The following KLRG2 variants were observed in gnomAD, a reference collection of about 807,000 sequenced individuals.
The protein encoded by KLRG2 is killer cell lectin-like receptor subfamily G member 2.
In KLRG2, 39 loss-of-function variants were observed where a neutral mutation model predicts 35.4. That is an observed-to-expected ratio of 1.10 (90% CI 0.85 to 1.44). KLRG2 has a LOEUF of 1.44. Among genes scored for constraint, KLRG2 ranks in the 40% most tolerant of loss-of-function variants. KLRG2 has a pLI of 0.00. For missense variants in KLRG2, 632 were observed against 570.9 expected, an observed-to-expected ratio of 1.11 and a Z score of -1.09; for synonymous variants, 283 against 265.8, an observed-to-expected ratio of 1.06 and a Z score of -0.63.
intron 3 of KLRG2, among the ~76,000 whole-genome samples, chr7:139,478,887 A>C (rs1214573109): frequency 2.6e-5 from 4 of 151,936 alleles, no homozygotes; most frequent in African/African-American, 9.7e-5. Context: ...CTGTCCAGCC[A>C]AGCCCAGCCT....
Position 139,483,106 on chromosome 7 carries a change from G to A in KLRG2, c.537C>T (p.Gly179=), listed in dbSNP as rs1796994591. 1.4e-6 allele frequency: 2 copies of A among 1,466,098 alleles called. No homozygotes were observed. Among genetic ancestry groups the A allele is most frequent in the African/African-American group, 3.0e-5 (2 of 67,578 alleles). The allele number at this position is 1,466,098 out of a possible 1,614,324, so 90.8% of individuals were successfully genotyped here. The part of the protein sequence containing the change: ...HQLLLRAPSQ[G]GTWGRRSPLA... ...GCGGCGAGCGGCGGCCCCACGTGCC[G>A]CCCTGGGATGGTGCGCGCAGCAGGA... Residue 179 remains glycine, a synonymous_variant, in exon 1 of 5, where the codon GGC becomes GGT. Coordinates refer to ENST00000340940, the MANE Select transcript of KLRG2 (RefSeq NM_198508.4).
chr7:139,463,535 C>T (rs1796604192), intron 3 of KLRG2, among the ~76,000 whole-genome samples: 1 of 152,242 alleles, frequency 6.6e-6, no homozygotes, highest in South Asian at 2.1e-4. Flanking sequence ...GGCGTTCCTA[C>T]AGGACTTCCT....
chr7:139,469,863 T>C (rs1796726986), intron 3 of KLRG2, among the ~76,000 whole-genome samples: 2 of 152,218 alleles, frequency 1.3e-5, no homozygotes, highest in Admixed American at 6.5e-5. Context: ...TCCGCACCCC[T>C]GCATGCCCAG....
At chr7:139,440,867 T>C in the KLRG2 span, among the ~76,000 whole-genome samples, 1 of 152,260 alleles carries the variant, frequency 6.6e-6, no homozygotes, top group African/African-American at 2.4e-5. Flanking sequence ...TCTATTTTAA[T>C]ATTATTTATT....
chr7:139,437,016 C>T, the KLRG2 span, among the ~76,000 whole-genome samples: 2 of 152,184 alleles, frequency 1.3e-5, no homozygotes, highest in Non-Finnish European at 2.9e-5. Context: ...CGGAGCTTGA[C>T]AGGGGACGAA....
chr7:139,432,183 C>T, the KLRG2 span, among the ~76,000 whole-genome samples: 1 of 151,984 alleles, frequency 6.6e-6, no homozygotes, highest in South Asian at 2.1e-4. Flanking sequence ...AAGGGAGATC[C>T]TGTCTCTACA....
intron 3 of KLRG2, among the ~76,000 whole-genome samples, chr7:139,457,563 C>T (rs1329183148): frequency 6.6e-6 from 1 of 152,204 alleles, no homozygotes; most frequent in Non-Finnish European, 1.5e-5. Context: ...CATCCCATGT[C>T]CTCTCGCGTC....
intron 1 of KLRG2, among the ~76,000 whole-genome samples, chr7:139,480,831 C>T (rs1300288962): frequency 2.7e-5 from 4 of 150,740 alleles, no homozygotes; most frequent in Non-Finnish European, 5.9e-5. Flanking sequence ...GCAACCTCCA[C>T]CTCCTGGGTT....
At chr7:139,429,404 A>C in the KLRG2 span, among the ~76,000 whole-genome samples, 1 of 143,584 alleles carries the variant, frequency 7.0e-6, no homozygotes, top group African/African-American at 2.7e-5. Context: ...TTTATTGATC[A>C]TTCTTGGGTG....
At chr7:139,467,219 A>C (rs1585170103) in intron 3 of KLRG2, among the ~76,000 whole-genome samples, 1 of 152,182 alleles carries the variant, frequency 6.6e-6, no homozygotes, top group Non-Finnish European at 1.5e-5. Flanking sequence ...ATCACCCCCC[A>C]AAATTTTCGC....
chr7:139,437,424 C>CA, the KLRG2 span, among the ~76,000 whole-genome samples: 1 of 73,722 alleles, frequency 1.4e-5, no homozygotes, highest in African/African-American at 9.9e-5. Context: ...GACTCCATCT[C>CA]CAAAAAAAAA....
At chr7:139,448,555 C>T (rs1038872510), downstream of KLRG2, among the ~76,000 whole-genome samples, 15 of 152,114 alleles carry the variant, frequency 9.9e-5, no homozygotes, top group Non-Finnish European at 1.6e-4. Flanking sequence ...ATAGGCTGGG[C>T]GCAGTGGCTC....
the KLRG2 span, among the ~76,000 whole-genome samples, chr7:139,439,527 G>A: frequency 8.5e-5 from 13 of 152,208 alleles, no homozygotes; most frequent in Non-Finnish European, 1.6e-4. Flanking sequence ...TGCTTCGGCT[G>A]TTATCCTGAG....
intron 3 of KLRG2, among the ~76,000 whole-genome samples, chr7:139,464,874 TC>T (rs1319752434): frequency 1.3e-5 from 2 of 152,266 alleles, no homozygotes; most frequent in African/African-American, 4.8e-5. Context: ...TCTATTTTCT[TC>T]CTCACACCTG....
At chr7:139,440,674 C>T in the KLRG2 span, among the ~76,000 whole-genome samples, 3 of 151,800 alleles carry the variant, frequency 2.0e-5, no homozygotes, top group African/African-American at 7.3e-5. Flanking sequence ...GGTCTTAGAC[C>T]CCAGGGCTCA....
intron 3 of KLRG2, among the ~76,000 whole-genome samples, chr7:139,458,084 T>TA (rs1378544022): frequency 3.9e-5 from 6 of 152,156 alleles, no homozygotes; most frequent in Admixed American, 3.9e-4. Context: ...AAAATTGTGA[T>TA]AAAAGATTCA....
At chr7:139,435,253 G>A in the KLRG2 span, among the ~76,000 whole-genome samples, 2 of 152,186 alleles carry the variant, frequency 1.3e-5, no homozygotes, top group African/African-American at 4.8e-5. Context: ...ACTTTGGGAG[G>A]CCGAGGGGAG....
At chr7:139,463,053 C>A (rs556561780) in intron 3 of KLRG2, among the ~76,000 whole-genome samples, 1 of 152,330 alleles carries the variant, frequency 6.6e-6, no homozygotes, top group South Asian at 2.1e-4. Flanking sequence ...ACTAGCCCTC[C>A]CCGACCTGCC....
intron 3 of KLRG2, among the ~76,000 whole-genome samples, chr7:139,467,921 C>T (rs1189373605): frequency 1.3e-5 from 2 of 152,132 alleles, no homozygotes; most frequent in Non-Finnish European, 2.9e-5. Flanking sequence ...CGTCACTGGG[C>T]AATGGAATGT....
Sources: gnomAD v4.1 joint callset for allele counts (sites outside exome capture counted in the v4.1 genomes callset) on GRCh38, gnomAD v4.1.1 for gene constraint, MANE v1.5 for transcripts, NCBI Gene and HGNC (gene_info 2026-07-23, HGNC 2026-07-21) for gene names.